SNTA1: variants seen among roughly 807,000 people sequenced by gnomAD.
The protein encoded by SNTA1 is syntrophin alpha 1, also known as alpha-1-syntrophin.
In SNTA1, 31 loss-of-function variants were observed where a neutral mutation model predicts 47.1. The observed-to-expected ratio is 0.66, with a 90% confidence interval of 0.49 to 0.89. SNTA1 has a LOEUF of 0.89. Among genes scored for constraint, SNTA1 ranks in the 40% least tolerant of loss-of-function variants. SNTA1 has a pLI of 0.00. For synonymous variants in SNTA1, 300 were observed against 313.6 expected, an observed-to-expected ratio of 0.96 and a Z score of 0.46; for missense variants, 575 against 693.0, an observed-to-expected ratio of 0.83 and a Z score of 1.91.
intron 2 of SNTA1, among the ~76,000 whole-genome samples, chr20:33,423,933 G>T (rs988552944): frequency 3.3e-5 from 5 of 152,112 alleles, no homozygotes; most frequent in African/African-American, 1.2e-4. Context: ...ACTAGCCCAT[G>T]GCCTTTCTCC....
In SNTA1 at chr20:33,408,207, G is replaced by A. The variant is rs970985349; in HGVS notation, c.*300C>T. The A allele has an allele frequency of 1.8e-5, 8 of 436,412 alleles. No homozygotes were observed. The highest frequency in any genetic ancestry group is 1.4e-4 in the East Asian group (3 of 21,916). The allele number at this position is 436,412 out of a possible 1,614,324, so 27.0% of individuals were successfully genotyped here. ...CAGCTGTTGGCTGGGGTCAGGATCC[G>A]CACAGGGGCAGGTCCCAGACTCGGA... On this transcript the variant is annotated 3_prime_UTR_variant, in exon 8 of 8. Coordinates refer to ENST00000217381, the MANE Select transcript of SNTA1 (RefSeq NM_003098.3).
At chr20:33,421,014 T>A (rs1395902174) in intron 2 of SNTA1, among the ~76,000 whole-genome samples, 4 of 148,548 alleles carry the variant, frequency 2.7e-5, no homozygotes, top group African/African-American at 7.4e-5. Context: ...AAGTAAAATT[T>A]AAAAAAAAAT....
chr20:33,414,885 C>A (rs1363270990), intron 3 of SNTA1, among the ~76,000 whole-genome samples: 2 of 152,198 alleles, frequency 1.3e-5, no homozygotes, highest in East Asian at 3.8e-4. Flanking sequence ...TCTTTTTAAA[C>A]ATGTGGGAAA....
chr20:33,422,024 G>A (rs1440010710), intron 2 of SNTA1, among the ~76,000 whole-genome samples: 4 of 151,194 alleles, frequency 2.6e-5, no homozygotes, highest in Non-Finnish European at 5.9e-5. Flanking sequence ...AATGTTGTAA[G>A]GCATGTGGTG....
Position 33,412,287 on chromosome 20 carries a change from T to C in SNTA1, c.1040+9A>G, listed in dbSNP as rs1327150858. On this transcript the variant is annotated intron_variant, in intron 5 of 7. Transcript: ENST00000217381. ...CTGGGGGAGACATACTGCCCCTGCC[T>C]GTGGGTACCTGGTGGCGATGAGTGG... The C allele has an allele frequency of 2.5e-6, 4 of 1,609,510 alleles. No individual in the cohort carries two copies. Among genetic ancestry groups the C allele is most frequent in the Non-Finnish European group, 1.7e-6 (2 of 1,179,014 alleles).
chr20:33,437,565 G>T (rs1010723742), intron 2 of SNTA1, among the ~76,000 whole-genome samples: 2 of 151,598 alleles, frequency 1.3e-5, no homozygotes, highest in Non-Finnish European at 2.9e-5. Context: ...ACCAAGGACC[G>T]AGAACCTATT....
chr20:33,415,659 C>T (rs1011414478), intron 3 of SNTA1, among the ~76,000 whole-genome samples: 2 of 151,450 alleles, frequency 1.3e-5, no homozygotes, highest in South Asian at 2.1e-4. Context: ...GGCATGGCGG[C>T]GTGCACCTGT....
rs1387470287 is a variant in SNTA1 at position 33,438,857 on chromosome 20, C to T, written c.480G>A (p.Lys160=). ...AGTGCTTACCCTCCAGCACCACCTC[C>T]TTGCCTGTCTTCTTGAGGACCTGCA... ...EAVQVLKKTG[K]EVVLEVKYMK... Residue 160 remains lysine, a synonymous_variant, in exon 2 of 8, where the codon AAG becomes AAA. Coordinates refer to ENST00000217381, the MANE Select transcript of SNTA1 (RefSeq NM_003098.3). 2 of 1,613,982 alleles carry T rather than the reference C, an allele frequency of 1.2e-6. No homozygotes were observed. The highest frequency in any genetic ancestry group is 2.2e-5 in the East Asian group (1 of 44,878).
rs1555816772 is a variant in SNTA1, at chr20:33,410,319, T to C, written c.1053A>G (p.Ser351=). The part of the protein sequence containing the change: ...APLIATRLVH[S]GPSKGSVPYD... ...AGGGCACTGAGCCCTTGGAGGGGCC[T>C]GAGTGCACCAGTCTGGGGGTTGGGG... Residue 351 remains serine, a synonymous_variant, in exon 6 of 8, where the codon TCA becomes TCG. Coordinates refer to ENST00000217381, the MANE Select transcript of SNTA1 (RefSeq NM_003098.3). 6.2e-7 allele frequency: 1 copy of C among 1,604,970 alleles called. No individual in the cohort carries two copies.
chr20:33,440,269 A>C (rs1247341972), intron 1 of SNTA1, among the ~76,000 whole-genome samples: 2 of 152,048 alleles, frequency 1.3e-5, no homozygotes, highest in African/African-American at 4.8e-5. Flanking sequence ...CAGCCTGGCC[A>C]ACATGGCAAA....
Position 33,410,338 on chromosome 20 carries a change from G to A in SNTA1, c.1041-7C>T, listed in dbSNP as rs759118698. 6.3e-7 allele frequency: 1 copy of A among 1,585,826 alleles called. No individual in the cohort carries two copies. The highest frequency in any genetic ancestry group is 1.1e-5 in the South Asian group (1 of 88,834). ...GGGGCCTGAGTGCACCAGTCTGGGG[G>A]TTGGGGGCAGAGGGCTGAGCATGAG... On this transcript the variant is annotated splice_region_variant and splice_polypyrimidine_tract_variant and intron_variant, in intron 5 of 7. Transcript: ENST00000217381.
At chr20:33,408,659 C>T (rs756197826) in intron 7 of SNTA1, 42 bp downstream of exon 7, 2 of 1,610,640 alleles carry the variant, frequency 1.2e-6, no homozygotes, top group South Asian at 2.2e-5. Context: ...CGAGAGTGCA[C>T]ACCCCCTCCT....
intron 2 of SNTA1, among the ~76,000 whole-genome samples, chr20:33,434,331 T>A (rs991736569): frequency 1.3e-5 from 2 of 152,020 alleles, no homozygotes; most frequent in African/African-American, 4.8e-5. Flanking sequence ...CTTCCACCAC[T>A]CCTCCTCCCC....
At chr20:33,425,862 A>T (rs893333551) in intron 2 of SNTA1, among the ~76,000 whole-genome samples, 3 of 152,170 alleles carry the variant, frequency 2.0e-5, no homozygotes, top group African/African-American at 7.2e-5. Flanking sequence ...AACTGAGGTC[A>T]GAAGTTCGAG....
At chr20:33,430,678 T>G (rs1600856652) in intron 2 of SNTA1, among the ~76,000 whole-genome samples, 1 of 151,896 alleles carries the variant, frequency 6.6e-6, no homozygotes, top group East Asian at 1.9e-4. Context: ...CCGGGCGCAG[T>G]GGCTCACACC....
At chr20:33,425,226 T>C (rs937961125) in intron 2 of SNTA1, among the ~76,000 whole-genome samples, 49 of 151,560 alleles carry the variant, frequency 3.2e-4, no homozygotes, top group African/African-American at 1.2e-3. Flanking sequence ...GCTATGATCA[T>C]GCAACTACAC....
chr20:33,424,545 T>A (rs890514587), intron 2 of SNTA1, among the ~76,000 whole-genome samples: 1 of 151,468 alleles, frequency 6.6e-6, no homozygotes, highest in African/African-American at 2.4e-5. Context: ...AGACAGGGAC[T>A]CACTCTCACC....
In SNTA1 at chr20:33,412,601, T is replaced by G; in HGVS notation, c.883A>C (p.Lys295Gln). The change falls in exon 4 of 8, where the codon AAG becomes CAG. Residue 295 changes from lysine to glutamine, a missense_variant. By Grantham distance (53) the Lys-to-Gln change is moderately conservative (BLOSUM62 1). Transcript: ENST00000217381. ...TGCTCAGTTAGCCAGCCAATCTGCT[T>G]GATGTCCTGGCTCCCAGCTGTGCTG... is the stretch of plus-strand genomic sequence containing the variant. ...ATSTAGSQDI[K>Q]QIGWLTEQLP... 2 of 1,613,766 alleles carry G rather than the reference T, an allele frequency of 1.2e-6. No individual in the cohort carries two copies. Among genetic ancestry groups the G allele is most frequent in the East Asian group, 2.2e-5 (1 of 44,880 alleles).
intron 2 of SNTA1, among the ~76,000 whole-genome samples, chr20:33,425,898 C>T (rs529571288): frequency 6.6e-6 from 1 of 151,588 alleles, no homozygotes; most frequent in South Asian, 2.1e-4. Flanking sequence ...ATGGTGAAAC[C>T]CTATCTCCAC....
Sources: allele counts gnomAD v4.1 joint callset (sites outside exome capture counted in the v4.1 genomes callset), GRCh38; gene constraint gnomAD v4.1.1; transcripts MANE v1.5; gene names NCBI Gene and HGNC (gene_info 2026-07-23, HGNC 2026-07-21).